ADAMTSL3: variants seen among roughly 807,000 people sequenced by gnomAD.
The protein encoded by ADAMTSL3 is ADAMTS-like protein 3.
In ADAMTSL3, 128 loss-of-function variants were observed where a neutral mutation model predicts 201.7. The observed-to-expected ratio is 0.63, with a 90% confidence interval of 0.55 to 0.73. The LOEUF is 0.73. Among genes scored for constraint, ADAMTSL3 ranks in the 30% least tolerant of loss-of-function variants. The pLI, the probability that ADAMTSL3 is intolerant of heterozygous loss-of-function variation, is 0.00. For synonymous variants in ADAMTSL3, 738 were observed against 748.4 expected, an observed-to-expected ratio of 0.99 and a Z score of 0.23; for missense variants, 1,990 against 2,119.6, an observed-to-expected ratio of 0.94 and a Z score of 1.20.
chr15:83,991,946 G>A lies in ADAMTSL3; in HGVS notation c.3973+732G>A, dbSNP rs562927139. ...TGTACATTTTACAGGGGCCAGGAGAGGTGGGAGTGAGGGGGTTTTGTGAAT... is the reference window on the plus strand; with the variant it reads ...TGTACATTTTACAGGGGCCAGGAGAAGTGGGAGTGAGGGGGTTTTGTGAAT... On this transcript the variant is annotated intron_variant, in intron 23 of 29. Transcript: ENST00000286744. 2.0e-5 allele frequency among the ~76,000 whole-genome samples: 3 copies of A among 152,338 alleles called. No individual in the cohort carries two copies. In the South Asian group the frequency reaches 6.2e-4, roughly 32 times the overall value.
Position 83,906,614 on chromosome 15 carries a change from GCCACACA to G in ADAMTSL3, c.1701-6469_1701-6463del, listed in dbSNP as rs143969758. 7.4e-3 allele frequency among the ~76,000 whole-genome samples: 486 copies of G among 65,984 alleles called. 11 individuals carry two copies. Among genetic ancestry groups the G allele is most frequent in the East Asian group, 0.022 (38 of 1,718 alleles). The allele number at this position is 65,984 out of a possible 152,430, so 43.3% of individuals were successfully genotyped here. On this transcript the variant is annotated intron_variant, in intron 15 of 29. Transcript: ENST00000286744. ...ATATGTATCTATATATTTATATAGT[GCCACACA>G]CCACACACACACACACACACACACA...
chr15:83,960,161 A>C (rs549167798), intron 19 of ADAMTSL3, among the ~76,000 whole-genome samples: 7 of 152,340 alleles, frequency 4.6e-5, no homozygotes, highest in Middle Eastern at 3.4e-3. Flanking sequence ...CTGAAAAATA[A>C]TAATAATTAG....
At chr15:83,717,676 G>A (rs1202302978) in intron 3 of ADAMTSL3, among the ~76,000 whole-genome samples, 1 of 151,928 alleles carries the variant, frequency 6.6e-6, no homozygotes, top group African/African-American at 2.4e-5. Context: ...GATTTTAAAA[G>A]AACAATCCCT....
rs145985819 is a variant in ADAMTSL3 at position 83,664,456 on chromosome 15, G to C, written c.69+8626G>C. ...AACCAAAGTCCTTACCTCTCACTGC[G>C]CTCTCTTGCTGTGCCTAGATTCTCC... On this transcript the variant is annotated intron_variant, in intron 2 of 29. Coordinates refer to ENST00000286744, the MANE Select transcript of ADAMTSL3 (RefSeq NM_207517.3). Among the ~76,000 whole-genome samples, 311 of 152,194 alleles carry C rather than the reference G, an allele frequency of 2.0e-3. 1 individual carries two copies. The highest frequency in any genetic ancestry group is 7.3e-3 in the African/African-American group (305 of 41,542).
intron 7 of ADAMTSL3, among the ~76,000 whole-genome samples, chr15:83,842,440 C>T (rs2064401129): frequency 6.6e-6 from 1 of 152,008 alleles, no homozygotes; most frequent in Non-Finnish European, 1.5e-5. Context: ...GCCCCAAGCT[C>T]CCCATAACCT....
chr15:83,811,147 T>C (rs2063688982), intron 5 of ADAMTSL3, among the ~76,000 whole-genome samples: 1 of 152,224 alleles, frequency 6.6e-6, no homozygotes, highest in Admixed American at 6.5e-5. Context: ...ACTTTAGTTA[T>C]ATGTGCAAAG....
intron 23 of ADAMTSL3, among the ~76,000 whole-genome samples, chr15:84,005,232 G>A (rs2141871075): frequency 6.6e-6 from 1 of 152,306 alleles, no homozygotes; most frequent in African/African-American, 2.4e-5. Context: ...TCCACTTGGA[G>A]ATTTTGGTGC....
At chr15:83,838,332 C>G in intron 7 of ADAMTSL3, 117 bp downstream of exon 7, 1 of 1,314,402 alleles carries the variant, frequency 7.6e-7, no homozygotes, top group East Asian at 2.8e-5. Context: ...GCTTTTGTAC[C>G]AATTTTCTAA....
chr15:83,758,787 C>A lies in ADAMTSL3; in HGVS notation c.190-14736C>A, dbSNP rs533390019. On this transcript the variant is annotated intron_variant, in intron 3 of 29. Transcript: ENST00000286744. ...TTTTTGTTGCTGAATTGTAAGAATT[C>A]ATTATATATTCTGGATATTAACCCC... Among the ~76,000 whole-genome samples the A allele has an allele frequency of 7.2e-5, 11 of 152,124 alleles. No homozygotes were observed. In the South Asian group the frequency reaches 2.3e-3, roughly 32 times the overall value.
At chr15:83,690,685 A>G (rs1194384406) in intron 2 of ADAMTSL3, among the ~76,000 whole-genome samples, 1 of 152,108 alleles carries the variant, frequency 6.6e-6, no homozygotes, top group African/African-American at 2.4e-5. Flanking sequence ...TTCCACACCC[A>G]ATCCCAGACA....
At chr15:84,006,512 C>T (rs2067897305) in intron 23 of ADAMTSL3, among the ~76,000 whole-genome samples, 1 of 152,178 alleles carries the variant, frequency 6.6e-6, no homozygotes, top group East Asian at 1.9e-4. Flanking sequence ...AGTTTAAAGA[C>T]ACCCCCGAGG....
chr15:83,771,167 CT>C (rs10572931), intron 3 of ADAMTSL3, among the ~76,000 whole-genome samples: 14,910 of 134,290 alleles, frequency 0.11, 607 homozygotes, highest in East Asian at 0.23. Context: ...TTTCTGGACT[CT>C]TTTTTTTTTT....
chr15:84,025,170 T>A, intron 26 of ADAMTSL3, 68 bp from the exon 27 acceptor site: 1 of 1,411,992 alleles, frequency 7.1e-7, no homozygotes, highest in Non-Finnish European at 9.6e-7. Flanking sequence ...CTTTTTCCTT[T>A]GATGAGACGC....
At position 83,983,356 on chromosome 15, in the gene ADAMTSL3, A is replaced by T; in HGVS notation, c.3716+12A>T. The T allele has an allele frequency of 1.4e-6, 2 of 1,457,792 alleles. No individual in the cohort carries two copies. Among genetic ancestry groups the T allele is most frequent in the Non-Finnish European group, 1.8e-6 (2 of 1,098,556 alleles). The allele number at this position is 1,457,792 out of a possible 1,614,324, so 90.3% of individuals were successfully genotyped here. ...CAGCCCTCAGTAAAGTAAGTAAAAT[A>T]AAAATGCAGTATTCATTTTTGCACT... is the stretch of plus-strand genomic sequence containing the variant. On this transcript the variant is annotated intron_variant, in intron 21 of 29. Coordinates refer to ENST00000286744, the MANE Select transcript of ADAMTSL3 (RefSeq NM_207517.3).
chr15:83,902,156 TC>T (rs1390228885), intron 15 of ADAMTSL3, among the ~76,000 whole-genome samples: 68 of 152,298 alleles, frequency 4.5e-4, no homozygotes, highest in Non-Finnish European at 5.9e-5. Context: ...GGTCCTGAAA[TC>T]AGTTCCCAGG....
rs141773090 is a variant in ADAMTSL3 at position 83,668,159 on chromosome 15, A to G, written c.69+12329A>G. 8.9e-3 allele frequency among the ~76,000 whole-genome samples: 1,350 copies of G among 152,246 alleles called. 21 individuals are homozygous for G. The highest frequency in any genetic ancestry group is 0.031 in the African/African-American group (1,284 of 41,528). ...TGCTAGACAAAATATACACCCAACAAGATGAAATGTAAAAAACAAAAATAT... is the reference window on the plus strand; with the variant it reads ...TGCTAGACAAAATATACACCCAACAGGATGAAATGTAAAAAACAAAAATAT... On this transcript the variant is annotated intron_variant, in intron 2 of 29. Transcript: ENST00000286744.
chr15:83,784,401 C>G (rs2063226190), intron 4 of ADAMTSL3, among the ~76,000 whole-genome samples: 1 of 152,162 alleles, frequency 6.6e-6, no homozygotes, highest in Non-Finnish European at 1.5e-5. Context: ...AGTTTATGTA[C>G]TCTCTTTTAA....
intron 27 of ADAMTSL3, among the ~76,000 whole-genome samples, chr15:84,028,835 G>A (rs1021331856): frequency 3.3e-5 from 5 of 152,184 alleles, no homozygotes; most frequent in Non-Finnish European, 7.3e-5. Context: ...CATGGGGGCA[G>A]TTTCCCCCAT....
intron 19 of ADAMTSL3, among the ~76,000 whole-genome samples, chr15:83,965,788 A>T (rs1167737931): frequency 6.6e-6 from 1 of 152,190 alleles, no homozygotes; most frequent in Non-Finnish European, 1.5e-5. Context: ...TGGAAGTAAA[A>T]CACTCCTCAG....
Sources: allele counts gnomAD v4.1 joint callset (sites outside exome capture counted in the v4.1 genomes callset), GRCh38; gene constraint gnomAD v4.1.1; transcripts MANE v1.5; gene names NCBI Gene and HGNC (gene_info 2026-07-23, HGNC 2026-07-21).